Variants in ZNF589 observed in about 807,000 individuals in gnomAD.
The protein encoded by ZNF589 is zinc finger protein 589, also known as KRAB-zinc finger protein SZF1-1.
A neutral mutation model predicts 13.6 loss-of-function variants in ZNF589; 17 were observed. The observed-to-expected ratio is 1.25, with a 90% CI of 0.86 to 1.88. The LOEUF (loss-of-function observed/expected upper bound fraction) is 1.88. ZNF589 is among the 40% of genes most tolerant of loss of function. The pLI is 0.00. For synonymous variants in ZNF589, 148 were observed against 161.6 expected (o/e 0.92, Z 0.64); for missense variants, 407 against 434.0 (o/e 0.94, Z 0.55).
intron 1 of ZNF589, 76 bp downstream of exon 1, chr3:48,241,290 C>A: frequency 6.4e-7 from 1 of 1,562,824 alleles, no homozygotes; most frequent in Non-Finnish European, 8.7e-7. Context: ...CGGCCGTATC[C>A]ACCAGGGATG....
chr3:48,268,708 A>G lies in ZNF589; in HGVS notation c.1017A>G (p.Arg339=). ...EKSFMCTVCG[R]GFREKSELIK... ...CGTTTATGTGCACAGTGTGTGGGCGAGGCTTTCGTGAAAAGTCAGAGCTCA... is the reference window on the plus strand; with the variant it reads ...CGTTTATGTGCACAGTGTGTGGGCGGGGCTTTCGTGAAAAGTCAGAGCTCA... The change falls in exon 4 of 4, where the codon CGA becomes CGG. Residue 339 remains arginine (R), a synonymous_variant. Coordinates refer to ENST00000354698, the MANE Select transcript of ZNF589 (RefSeq NM_016089.3). 6.2e-7 allele frequency: 1 copy of G among 1,614,194 alleles called. No homozygotes were observed. The highest frequency in any genetic ancestry group is 8.5e-7 in the Non-Finnish European group (1 of 1,180,036).
At chr3:48,247,768 A>AT in intron 2 of ZNF589, 91 bp downstream of exon 2, 1 of 1,453,132 alleles carries the variant, frequency 6.9e-7, no homozygotes, top group South Asian at 1.2e-5. Context: ...GGAGGAAGTG[A>AT]TTAACATTTA....
intron 3 of ZNF589, among the ~76,000 whole-genome samples, chr3:48,267,400 A>ATT (rs765766945): frequency 2.0e-5 from 3 of 146,982 alleles, no homozygotes; most frequent in African/African-American, 5.0e-5. Context: ...AAATAGAAGA[A>ATT]TTTTTTTTTT....
rs2034064809 is a variant in ZNF589 at position 48,269,427 on chromosome 3, CA to C, written c.*642del. ...CTCCTCGCACACGAGCAGACACATT[CA>C]GGGGAGAAGCCTTATGTGTGTGGGG... On this transcript the variant is annotated 3_prime_UTR_variant, in exon 4 of 4. Coordinates refer to ENST00000354698, the MANE Select transcript of ZNF589 (RefSeq NM_016089.3). 6.5e-6 allele frequency: 3 copies of C among 459,482 alleles called. No individual in the cohort carries two copies. The highest frequency in any genetic ancestry group is 1.2e-5 in the Non-Finnish European group (3 of 245,802). The allele number at this position is 459,482 out of a possible 1,614,324, so 28.5% of individuals were successfully genotyped here.
intron 2 of ZNF589, among the ~76,000 whole-genome samples, chr3:48,250,672 G>A (rs1232155942): frequency 1.3e-5 from 2 of 151,350 alleles, no homozygotes; most frequent in South Asian, 2.1e-4. Context: ...TGGTTTCATC[G>A]TGTTGGCCAG....
chr3:48,270,005 CAG>C lies in ZNF589; in HGVS notation c.*1223_*1224del, dbSNP rs1333503897. ...TACATTCCTTTAGATGTGAAGATGA[CAG>C]AGATCTAACTTCTGAGAGCAGAGGT... On this transcript the variant is annotated 3_prime_UTR_variant, in exon 4 of 4. Transcript: ENST00000354698. 3.1e-5 allele frequency: 14 copies of C among 457,002 alleles called. No homozygotes were observed. Among genetic ancestry groups the C allele is most frequent in the East Asian group, 6.9e-5 (1 of 14,406 alleles). 28.3% of individuals were successfully genotyped at this position (457,002 alleles called of 1,614,324 possible). A position where few individuals can be genotyped will look rare whatever the true frequency, so the allele number is the denominator to read the frequency against.
chr3:48,249,327 T>C (rs1371494853), intron 2 of ZNF589, among the ~76,000 whole-genome samples: 1 of 152,212 alleles, frequency 6.6e-6, no homozygotes, highest in African/African-American at 2.4e-5. Flanking sequence ...GGTCTCGAAC[T>C]CCTGACCTCA....
At position 48,269,904 on chromosome 3, in the gene ZNF589, C is replaced by G; in HGVS notation, c.*1118C>G. ...GCTGGAAGTGGCCCCTTAAGAGATA[C>G]TTGGAGTCAAATCTATCCACTGTAC... On this transcript the variant is annotated 3_prime_UTR_variant, in exon 4 of 4. Coordinates refer to ENST00000354698, the MANE Select transcript of ZNF589 (RefSeq NM_016089.3). 7.8e-6 allele frequency: 3 copies of G among 382,872 alleles called. No individual in the cohort carries two copies. Among genetic ancestry groups the G allele is most frequent in the South Asian group, 5.8e-5 (3 of 51,572 alleles). The allele number at this position is 382,872 out of a possible 1,614,324, so 23.7% of individuals were successfully genotyped here.
intron 2 of ZNF589, chr3:48,256,459 C>A: frequency 1.8e-6 from 1 of 569,996 alleles, no homozygotes; most frequent in South Asian, 1.7e-5. Context: ...TGTAGATGGG[C>A]ATGAGGGTGC....
At chr3:48,245,946 C>CAA (rs1378321395) in intron 1 of ZNF589, among the ~76,000 whole-genome samples, 25 of 125,848 alleles carry the variant, frequency 2.0e-4, no homozygotes, top group African/African-American at 6.8e-4. Flanking sequence ...GACTCTGTCT[C>CAA]AAAAAAAAAA....
At chr3:48,242,943 G>A (rs565834849) in intron 1 of ZNF589, among the ~76,000 whole-genome samples, 9 of 151,752 alleles carry the variant, frequency 5.9e-5, no homozygotes, top group South Asian at 2.1e-4. Context: ...GTGTGGTGCC[G>A]TACACCTGTA....
At chr3:48,260,199 G>A (rs2033956326) in intron 2 of ZNF589, among the ~76,000 whole-genome samples, 1 of 152,162 alleles carries the variant, frequency 6.6e-6, no homozygotes, top group African/African-American at 2.4e-5. Flanking sequence ...GTGCAATGGT[G>A]CGATCTCAGC....
chr3:48,247,778 A>T, intron 2 of ZNF589, 101 bp downstream of exon 2: 1 of 1,358,866 alleles, frequency 7.4e-7, no homozygotes, highest in Non-Finnish European at 1.0e-6. Flanking sequence ...ATTAACATTT[A>T]AGTGGTTTAT....
intron 3 of ZNF589, among the ~76,000 whole-genome samples, chr3:48,267,211 GTT>G (rs2106849746): frequency 6.6e-6 from 1 of 152,256 alleles, no homozygotes; most frequent in South Asian, 2.1e-4. Context: ...GCTCTTCCCT[GTT>G]TTCCACAAGT....
chr3:48,268,716 G>C lies in ZNF589; in HGVS notation c.1025G>C (p.Arg342Pro), dbSNP rs199524011. 23 of 1,613,726 alleles carry C rather than the reference G, an allele frequency of 1.4e-5. No individual in the cohort carries two copies. The highest frequency in any genetic ancestry group is 1.7e-5 in the Non-Finnish European group (20 of 1,179,952). ...TGCACAGTGTGTGGGCGAGGCTTTC[G>C]TGAAAAGTCAGAGCTCATTAAGCAC... ...FMCTVCGRGF[R>P]EKSELIKHQR... Residue 342 changes from arginine to proline, a missense_variant, in exon 4 of 4, where the codon CGT becomes CCT. By Grantham distance (103) the Arg-to-Pro change is moderately radical. Coordinates refer to ENST00000354698, the MANE Select transcript of ZNF589 (RefSeq NM_016089.3).
chr3:48,252,443 G>A (rs996264674), intron 2 of ZNF589, among the ~76,000 whole-genome samples: 3 of 150,640 alleles, frequency 2.0e-5, no homozygotes, highest in Admixed American at 6.6e-5. Context: ...CACCCGCCTC[G>A]GCCTCCCAAA....
chr3:48,241,161 T>TGCGC lies in ZNF589; in HGVS notation c.-6_-3dup, dbSNP rs35806621. 1.2e-6 allele frequency: 2 copies of TGCGC among 1,613,346 alleles called. No individual in the cohort carries two copies. Among genetic ancestry groups the TGCGC allele is most frequent in the Non-Finnish European group, 8.5e-7 (1 of 1,179,708 alleles). Reference sequence around the variant, plus strand: ...CTACCTCGTTTGCTTCGTGCGTGCGTGCGCGCGCAGATGTGGGCCCCGCGG... The same window carrying TGCGC: ...CTACCTCGTTTGCTTCGTGCGTGCGTGCGCGCGCGCGCAGATGTGGGCCCCGCGG... On this transcript the variant is annotated 5_prime_UTR_variant, in exon 1 of 4. Transcript: ENST00000354698.
rs2034075075 is a variant in ZNF589, at chr3:48,270,171, A to G, written c.*1385A>G. The G allele has an allele frequency of 4.4e-6, 2 of 456,450 alleles. No individual in the cohort carries two copies. Among genetic ancestry groups the G allele is most frequent in the African/African-American group, 4.0e-5 (2 of 49,848 alleles). 28.3% of individuals were successfully genotyped at this position (456,450 alleles called of 1,614,324 possible). A position where few individuals can be genotyped will look rare whatever the true frequency, so the allele number is the denominator to read the frequency against. Reference sequence around the variant, plus strand: ...TCTAGCCTTTGCTGTTTCCTCTCCTACCCCACCTTTAGATTTTACTCAGAG... The same window carrying G: ...TCTAGCCTTTGCTGTTTCCTCTCCTGCCCCACCTTTAGATTTTACTCAGAG... On this transcript the variant is annotated 3_prime_UTR_variant, in exon 4 of 4. Coordinates refer to ENST00000354698, the MANE Select transcript of ZNF589 (RefSeq NM_016089.3).
At chr3:48,265,330 G>A (rs1280940417) in intron 3 of ZNF589, among the ~76,000 whole-genome samples, 1 of 130,278 alleles carries the variant, frequency 7.7e-6, no homozygotes, top group Non-Finnish European at 1.5e-5. Flanking sequence ...TTGTGGCCCA[G>A]GCTGGAGTGC....
Sources: allele counts gnomAD v4.1 joint callset (sites outside exome capture counted in the v4.1 genomes callset), GRCh38; gene constraint gnomAD v4.1.1; transcripts MANE v1.5; gene names NCBI Gene and HGNC (gene_info 2026-07-23, HGNC 2026-07-21).